The following RAP1A variants were observed in gnomAD, a reference collection of about 807,000 sequenced individuals.
RAP1A encodes ras-related protein Rap-1A.
In RAP1A, 6 loss-of-function variants were observed where a neutral mutation model predicts 26.4. The ratio of observed to expected loss-of-function variants is 0.23; its 90% confidence interval spans 0.12 to 0.45. The LOEUF (loss-of-function observed/expected upper bound fraction) is 0.45, where lower values mean the gene tolerates loss of function less well. RAP1A is among the 20% of genes least tolerant of loss of function. The pLI is 0.99. For synonymous variants in RAP1A, 73 were observed against 79.4 expected, an observed-to-expected ratio of 0.92 and a Z score of 0.43; for missense variants, 121 against 217.2, an observed-to-expected ratio of 0.56 and a Z score of 2.78.
intron 1 of RAP1A, among the ~76,000 whole-genome samples, chr1:111,668,386 C>T (rs1424363235): frequency 6.6e-6 from 1 of 152,028 alleles, no homozygotes. Context: ...GTGTGTTTAG[C>T]GAGGTAAAGA....
chr1:111,661,659 C>T (rs976699943), intron 1 of RAP1A, among the ~76,000 whole-genome samples: 1 of 151,918 alleles, frequency 6.6e-6, no homozygotes, highest in Non-Finnish European at 1.5e-5. Flanking sequence ...ATTAGCCGGG[C>T]GTGGTGGCGC....
At chr1:111,655,658 CTTTTTTTTTTTT>C (rs34266778) in intron 1 of RAP1A, among the ~76,000 whole-genome samples, 28 of 85,130 alleles carry the variant, frequency 3.3e-4, no homozygotes, top group East Asian at 1.9e-3. Context: ...TGTTCATAGT[CTTTTTTTTTTTT>C]TTTTTTTTTT....
intron 1 of RAP1A, among the ~76,000 whole-genome samples, chr1:111,653,990 A>G: frequency 6.6e-6 from 1 of 152,224 alleles, no homozygotes; most frequent in East Asian, 1.9e-4. Context: ...AGAAAAGACA[A>G]GGCGAGTCTC....
At chr1:111,586,525 G>A (rs528257658) in intron 1 of RAP1A, among the ~76,000 whole-genome samples, 2 of 152,336 alleles carry the variant, frequency 1.3e-5, no homozygotes, top group South Asian at 4.1e-4. Context: ...CAAGGCTGCA[G>A]TGAGCTGAGA....
chr1:111,705,375 A>G (rs576725574), intron 6 of RAP1A, among the ~76,000 whole-genome samples: 4 of 152,192 alleles, frequency 2.6e-5, no homozygotes, highest in Middle Eastern at 3.4e-3. Flanking sequence ...TGTTTTTGCT[A>G]TTCTCTCTGG....
intron 1 of RAP1A, among the ~76,000 whole-genome samples, chr1:111,687,638 TTC>T (rs1661526301): frequency 1.3e-5 from 2 of 152,096 alleles, no homozygotes; most frequent in Admixed American, 1.3e-4. Context: ...AGTATTCTAT[TTC>T]TCTCTCTTCT....
Position 111,703,249 on chromosome 1 carries a change from C to T in RAP1A, c.184-87C>T, listed in dbSNP as rs1662078097. On this transcript the variant is annotated intron_variant, in intron 4 of 7. Coordinates refer to ENST00000369709, the MANE Select transcript of RAP1A (RefSeq NM_002884.4). Reference sequence around the variant, plus strand: ...GGATAGCAAGTAATAAAAAATGTTACTCACTTGTAATTATGCTGTTTTAAA... The same window carrying T: ...GGATAGCAAGTAATAAAAAATGTTATTCACTTGTAATTATGCTGTTTTAAA... 4 of 915,894 alleles carry T rather than the reference C, an allele frequency of 4.4e-6. No individual in the cohort carries two copies. In the East Asian group the frequency reaches 1.2e-4, roughly 28 times the overall value. 56.7% of individuals were successfully genotyped at this position (915,894 alleles called of 1,614,324 possible).
intron 1 of RAP1A, chr1:111,649,235 G>A (rs546622561): frequency 2.1e-5 from 10 of 480,902 alleles, no homozygotes; most frequent in South Asian, 1.1e-4. Flanking sequence ...TCTTCTCCAG[G>A]TGCTCCTGGA....
intron 1 of RAP1A, among the ~76,000 whole-genome samples, chr1:111,581,852 A>C (rs1390376491): frequency 6.6e-6 from 1 of 152,260 alleles, no homozygotes; most frequent in Non-Finnish European, 1.5e-5. Context: ...TGTCCACTTT[A>C]TATAAGCACT....
chr1:111,668,648 T>C (rs879350355), intron 1 of RAP1A, among the ~76,000 whole-genome samples: 2 of 152,154 alleles, frequency 1.3e-5, no homozygotes, highest in Non-Finnish European at 2.9e-5. Context: ...CTTTTAACCA[T>C]TTTACTATAC....
intron 1 of RAP1A, among the ~76,000 whole-genome samples, chr1:111,686,212 A>G (rs750472839): frequency 1.8e-4 from 27 of 152,184 alleles, no homozygotes; most frequent in Admixed American, 7.9e-4. Context: ...ACCATGGCAC[A>G]TGTATACCAA....
At chr1:111,656,196 G>T (rs1176579271) in intron 1 of RAP1A, among the ~76,000 whole-genome samples, 2 of 151,996 alleles carry the variant, frequency 1.3e-5, no homozygotes, top group South Asian at 2.1e-4. Context: ...AAAAACTTCA[G>T]TGACCTTGGA....
chr1:111,623,169 C>T (rs1041145966), intron 1 of RAP1A, among the ~76,000 whole-genome samples: 2 of 132,424 alleles, frequency 1.5e-5, no homozygotes, highest in East Asian at 4.3e-4. Flanking sequence ...AGGTACCCAC[C>T]ACCACGCCCA....
intron 1 of RAP1A, among the ~76,000 whole-genome samples, chr1:111,609,530 A>C (rs1658882012): frequency 1.3e-5 from 2 of 152,170 alleles, no homozygotes; most frequent in South Asian, 4.1e-4. Flanking sequence ...ATTTCTCCCT[A>C]AACTAGACAC....
At chr1:111,579,693 G>A (rs1658214204) in intron 1 of RAP1A, among the ~76,000 whole-genome samples, 1 of 152,110 alleles carries the variant, frequency 6.6e-6, no homozygotes, top group Admixed American at 6.5e-5. Context: ...GCTTAGCCTA[G>A]CCTACCTTAG....
rs1451693174 is a variant in RAP1A at position 111,715,058 on chromosome 1, CA to C, written c.*2658del. The C allele has an allele frequency of 4.6e-5, 7 of 151,718 alleles. No individual in the cohort carries two copies. The highest frequency in any genetic ancestry group is 4.6e-4 in the Admixed American group (7 of 15,198). 9.4% of individuals were successfully genotyped at this position (151,718 alleles called of 1,614,324 possible). ...ATCCAGCTGTAATCTTACCCTCCAC[CA>C]GGGGGAGCTTCAACATCGGTTAATA... On this transcript the variant is annotated 3_prime_UTR_variant, in exon 8 of 8. Coordinates refer to ENST00000369709, the MANE Select transcript of RAP1A (RefSeq NM_002884.4).
chr1:111,671,942 C>T (rs1356920700), intron 1 of RAP1A, among the ~76,000 whole-genome samples: 2 of 152,016 alleles, frequency 1.3e-5, no homozygotes, highest in African/African-American at 4.8e-5. Context: ...AGTTTAATTT[C>T]ATTTTGGTTA....
chr1:111,623,620 A>G (rs2101092924), intron 1 of RAP1A, among the ~76,000 whole-genome samples: 1 of 152,302 alleles, frequency 6.6e-6, no homozygotes, highest in Non-Finnish European at 1.5e-5. Flanking sequence ...CATGTTGGTC[A>G]GGCTGGTCTT....
chr1:111,652,874 T>A (rs1358517866), intron 1 of RAP1A, among the ~76,000 whole-genome samples: 2 of 151,996 alleles, frequency 1.3e-5, no homozygotes, highest in Non-Finnish European at 2.9e-5. Flanking sequence ...TAAATAAAAA[T>A]AAAAGAAAAA....
Sources: gnomAD v4.1 joint callset for allele counts (sites outside exome capture counted in the v4.1 genomes callset) on GRCh38, gnomAD v4.1.1 for gene constraint, MANE v1.5 for transcripts, NCBI Gene and HGNC (gene_info 2026-07-23, HGNC 2026-07-21) for gene names.